The following NEB variants were observed in gnomAD, a reference collection of about 807,000 sequenced individuals.
NEB encodes the protein nebulin, also known as nemaline myopathy type 2.
In NEB, 512 loss-of-function variants were observed where a neutral mutation model predicts 952.2. That is an observed-to-expected ratio of 0.54 (90% CI 0.50 to 0.58). The LOEUF is 0.58. NEB is among the 20% of genes least tolerant of loss of function. NEB has a pLI of 0.00. For synonymous variants in NEB, 2,900 were observed against 3,149.8 expected, an observed-to-expected ratio of 0.92 and a Z score of 2.66; for missense variants, 8,428 against 9,231.1, an observed-to-expected ratio of 0.91 and a Z score of 3.56.
intron 133 of NEB, 88 bp from the exon 134 acceptor site, chr2:151,546,531 CTG>C (rs2094713278): frequency 1.4e-6 from 1 of 704,630 alleles, no homozygotes; most frequent in African/African-American, 1.8e-5. Flanking sequence ...TTCTTAATTA[CTG>C]TGTCTTTCAT....
At chr2:151,595,415 C>T (rs1396845243) in intron 92 of NEB, among the ~76,000 whole-genome samples, 3 of 151,126 alleles carry the variant, frequency 2.0e-5, no homozygotes, top group African/African-American at 7.4e-5. Flanking sequence ...CCACGCCCAG[C>T]TAAGTTTTTG....
At chr2:151,612,500 A>G in intron 77 of NEB, 111 bp from the exon 78 acceptor site, 2 of 1,093,470 alleles carry the variant, frequency 1.8e-6, no homozygotes, top group Non-Finnish European at 2.6e-6. Context: ...ATTTGTGTAA[A>G]TTTCTGGGAA....
intron 64 of NEB, 62 bp downstream of exon 64, chr2:151,636,165 T>C (rs1038164985): frequency 3.7e-6 from 5 of 1,366,836 alleles, no homozygotes; most frequent in Non-Finnish European, 5.1e-6. Flanking sequence ...TTTCTAAGAT[T>C]TAGTTCAGTG....
At chr2:151,505,415 C>A in intron 165 of NEB, 63 bp downstream of exon 165, 1 of 1,347,620 alleles carries the variant, frequency 7.4e-7, no homozygotes, top group South Asian at 1.2e-5. Context: ...GATGAGAGAG[C>A]ACCAGGGTAG....
At chr2:151,641,733 G>C (rs540200461) in intron 60 of NEB, among the ~76,000 whole-genome samples, 1 of 151,616 alleles carries the variant, frequency 6.6e-6, no homozygotes, top group African/African-American at 2.4e-5. Context: ...CCCATATTTT[G>C]GAAATAAAGA....
rs199791504 is a variant in NEB, at chr2:151,546,002, A to T, written c.20467-4T>A. The T allele has an allele frequency of 0.014, 10,084 of 722,374 alleles. 26 individuals carry two copies. The highest frequency in any genetic ancestry group is 0.029 in the Middle Eastern group (83 of 2,878). The allele number at this position is 722,374 out of a possible 1,614,324, so 44.7% of individuals were successfully genotyped here. ...TATCAGTGTATAGGTAATTAGACTTAAAAAAAAAAAAAAAAACAGAAATAC... is the reference window on the plus strand; with the variant it reads ...TATCAGTGTATAGGTAATTAGACTTTAAAAAAAAAAAAAAAACAGAAATAC... On this transcript the variant is annotated splice_polypyrimidine_tract_variant and splice_region_variant and intron_variant, in intron 134 of 181. Transcript: ENST00000397345.
At chr2:151,628,294 C>T (rs1273068914) in intron 68 of NEB, among the ~76,000 whole-genome samples, 2 of 152,188 alleles carry the variant, frequency 1.3e-5, no homozygotes, top group African/African-American at 2.4e-5. Context: ...CCAACACACC[C>T]ACACTCCTTC....
At chr2:151,653,457 G>C (rs2099052922) in intron 52 of NEB, among the ~76,000 whole-genome samples, 1 of 152,164 alleles carries the variant, frequency 6.6e-6, no homozygotes, top group African/African-American at 2.4e-5. Context: ...AGAAAGAAGA[G>C]TTAAGTAAGC....
At chr2:151,655,702 T>C in intron 50 of NEB, 115 bp downstream of exon 50, 3 of 1,087,344 alleles carry the variant, frequency 2.8e-6, no homozygotes, top group Non-Finnish European at 2.7e-6. Flanking sequence ...TGATCTGGAA[T>C]GGTTTGCCAC....
chr2:151,656,346 T>C lies in NEB; in HGVS notation c.6302A>G (p.Glu2101Gly), dbSNP rs767980217. The C allele has an allele frequency of 6.2e-7, 1 of 1,613,640 alleles. No individual in the cohort carries two copies. Among genetic ancestry groups the C allele is most frequent in the Admixed American group, 1.7e-5 (1 of 59,964 alleles). The change falls in exon 49 of 182, where the codon GAG (glutamate) becomes GGG (glycine). Residue 2101 changes from glutamate to glycine, a missense_variant. Transcript: ENST00000397345. ...MQVAKMQSDREYKKNYENTKT... is the reference protein window; with the variant it reads ...MQVAKMQSDRGYKKNYENTKT... ...TGTGTTCTCATAGTTTTTCTTGTACTCCCGATCAGATTGCATCTTAGCCAC... is the reference window on the plus strand; with the variant it reads ...TGTGTTCTCATAGTTTTTCTTGTACCCCCGATCAGATTGCATCTTAGCCAC...
At chr2:151,525,651 G>T (rs2085287367) in intron 150 of NEB, among the ~76,000 whole-genome samples, 2 of 152,162 alleles carry the variant, frequency 1.3e-5, no homozygotes, top group African/African-American at 2.4e-5. Context: ...AAATTGGGTA[G>T]CAGTTTAATA....
chr2:151,486,858 A>G (rs1467927545), intron 181 of NEB: 12 of 152,224 alleles, frequency 7.9e-5, no homozygotes, highest in African/African-American at 2.7e-4. Flanking sequence ...CAGAAAGGGG[A>G]TGGAGAATGA....
At position 151,663,764 on chromosome 2, in the gene NEB, C is replaced by A. The variant is rs536101098; in HGVS notation, c.5547G>T (p.Val1849=). 1 of 1,613,842 alleles carries A rather than the reference C, an allele frequency of 6.2e-7. No homozygotes were observed. Among genetic ancestry groups the A allele is most frequent in the East Asian group, 2.2e-5 (1 of 44,876 alleles). The change falls in exon 45 of 182, where the codon GTG becomes GTT. Residue 1849 remains valine (V), a synonymous_variant. Coordinates refer to ENST00000397345, the MANE Select transcript of NEB (RefSeq NM_001164508.2). The part of the protein sequence containing the change: ...DDPKLVHFMQ[V]AKMQSDREYK... Reference sequence around the variant, plus strand: ...ATTCCCGGTCTGACTGCATCTTGGCCACTTGCATGAAGTGCACCAGCTTGG... The same window carrying A: ...ATTCCCGGTCTGACTGCATCTTGGCAACTTGCATGAAGTGCACCAGCTTGG...
chr2:151,655,282 T>G lies in NEB; in HGVS notation c.6795A>C (p.Thr2265=). The change falls in exon 51 of 182, where the codon ACA becomes ACC. Residue 2265 remains threonine, a synonymous_variant. Coordinates refer to ENST00000397345, the MANE Select transcript of NEB (RefSeq NM_001164508.2). ...TATATAAATTTACCTGACTATACAG[T>G]GTTTGATTCTGCTTGGCTTGTAAAA... ...PDILQAKQNQ[T]LYSQKLYKLG... 1 of 1,565,894 alleles carries G rather than the reference T, an allele frequency of 6.4e-7. No homozygotes were observed. The highest frequency in any genetic ancestry group is 8.8e-7 in the Non-Finnish European group (1 of 1,140,470).
chr2:151,609,197 A>AT (rs2097831244), intron 81 of NEB, among the ~76,000 whole-genome samples: 1 of 138,364 alleles, frequency 7.2e-6, no homozygotes, highest in Non-Finnish European at 1.6e-5. Context: ...CCATTTCAAA[A>AT]TAAAAGAAAA....
In NEB at chr2:151,674,486, A is replaced by C; in HGVS notation, c.3978T>G (p.Ile1326Met). ...PITAAKASRN[I>M]ASDYKYKEAY... ...TAAAATTTGTACTCACATCACTGGC[A>C]ATGTTTCTCGATGCCTTGGCTGCAG... The change falls in exon 36 of 182, where the codon ATT becomes ATG. Residue 1326 changes from isoleucine to methionine, a missense_variant. By Grantham distance (10) the Ile-to-Met change is conservative. Transcript: ENST00000397345. 6.2e-7 allele frequency: 1 copy of C among 1,613,632 alleles called. No individual in the cohort carries two copies. Among genetic ancestry groups the C allele is most frequent in the Non-Finnish European group, 8.5e-7 (1 of 1,179,524 alleles).
rs530915015 is a variant in NEB at position 151,510,647 on chromosome 2, GTTCTA to G, written c.23346+2081_23346+2085del. On this transcript the variant is annotated intron_variant, in intron 161 of 181. Coordinates refer to ENST00000397345, the MANE Select transcript of NEB (RefSeq NM_001164508.2). Reference sequence around the variant, plus strand: ...TTTATTACAGTATATTGTTATAATTGTTCTATTTTATTAGTTATTGTTGTTAATCT... The same window carrying G: ...TTTATTACAGTATATTGTTATAATTGTTTTATTAGTTATTGTTGTTAATCT... 1.5e-4 allele frequency among the ~76,000 whole-genome samples: 23 copies of G among 152,176 alleles called. No individual in the cohort carries two copies. In the South Asian group the frequency reaches 4.6e-3, roughly 30 times the overall value.
At position 151,663,806 on chromosome 2, in the gene NEB, C is replaced by G; in HGVS notation, c.5505G>C (p.Arg1835=). The G allele has an allele frequency of 6.2e-7, 1 of 1,613,788 alleles. No individual in the cohort carries two copies. The highest frequency in any genetic ancestry group is 8.5e-7 in the Non-Finnish European group (1 of 1,179,750). The change falls in exon 45 of 182, where the codon CGG becomes CGC. Residue 1835 remains arginine (R), a synonymous_variant. Coordinates refer to ENST00000397345, the MANE Select transcript of NEB (RefSeq NM_001164508.2). ...EQAKGKHIGF[R]SLEDDPKLVH... is the part of the protein sequence containing the mutation. The stretch of plus-strand genomic sequence containing the variant: ...CCAGCTTGGGGTCATCTTCCAGGCT[C>G]CGGAAGCCAATGTGTTTCCCTTTGG...
chr2:151,627,887 G>A (rs2098554444), intron 68 of NEB, 53 bp from the exon 69 acceptor site: 1 of 1,553,394 alleles, frequency 6.4e-7, no homozygotes. Flanking sequence ...AGGCTTAGAA[G>A]CCTCATTAAT....
Sources: allele counts gnomAD v4.1 joint callset (sites outside exome capture counted in the v4.1 genomes callset), GRCh38; gene constraint gnomAD v4.1.1; transcripts MANE v1.5; gene names NCBI Gene and HGNC (gene_info 2026-07-23, HGNC 2026-07-21).